Variants in SPG21 observed in about 807,000 individuals in gnomAD.
The protein encoded by SPG21 is SPG21 abhydrolase domain containing, maspardin, also known as maspardin.
SPG21 carries 26 observed loss-of-function variants against 38.9 expected under a neutral mutation model. That is an observed-to-expected ratio of 0.67 (90% CI 0.49 to 0.93). The LOEUF is 0.93. SPG21 is among the 40% of genes least tolerant of loss of function. The pLI, the probability that SPG21 is intolerant of heterozygous loss-of-function variation, is 0.00. For missense variants in SPG21, 333 were observed against 376.5 expected, an observed-to-expected ratio of 0.88 and a Z score of 0.96; for synonymous variants, 136 against 128.9, an observed-to-expected ratio of 1.05 and a Z score of -0.37.
intron 1 of SPG21, chr15:64,987,497 A>G (rs896647247): frequency 5.3e-5 from 8 of 152,270 alleles, no homozygotes; most frequent in Admixed American, 3.3e-4. Context: ...TATTCTGTAT[A>G]TGGCAAAGGT....
chr15:64,969,629 G>A (rs1411926741), intron 6 of SPG21, among the ~76,000 whole-genome samples: 1 of 151,810 alleles, frequency 6.6e-6, no homozygotes, highest in Non-Finnish European at 1.5e-5. Context: ...ACTCCAGCCA[G>A]GTGCCCATGG....
rs183324628 is a variant in SPG21 at position 64,976,411 on chromosome 15, T to A, written c.306+64A>T. The A allele has an allele frequency of 1.3e-4, 154 of 1,199,618 alleles. 1 individual carries two copies. Among genetic ancestry groups the A allele is most frequent in the Non-Finnish European group, 1.7e-4 (138 of 811,050 alleles). The allele number at this position is 1,199,618 out of a possible 1,614,324, so 74.3% of individuals were successfully genotyped here. A position where few individuals can be genotyped will look rare whatever the true frequency, so the allele number is the denominator to read the frequency against. Reference sequence around the variant, plus strand: ...CTGCACTCCAGCCTGGGTGACAGAGTGAGACTTCATCTCAAAAAATAAAAA... The same window carrying A: ...CTGCACTCCAGCCTGGGTGACAGAGAGAGACTTCATCTCAAAAAATAAAAA... On this transcript the variant is annotated intron_variant, in intron 4 of 8. Coordinates refer to ENST00000204566, the MANE Select transcript of SPG21 (RefSeq NM_016630.7).
intron 5 of SPG21, among the ~76,000 whole-genome samples, chr15:64,973,928 T>A (rs916710556): frequency 2.6e-5 from 4 of 152,204 alleles, no homozygotes; most frequent in African/African-American, 9.7e-5. Flanking sequence ...TAGAATGTGA[T>A]GAAGAATTGG....
intron 1 of SPG21, among the ~76,000 whole-genome samples, chr15:64,985,628 C>G (rs1383767688): frequency 6.6e-6 from 1 of 152,188 alleles, no homozygotes; most frequent in Non-Finnish European, 1.5e-5. Flanking sequence ...TTGATCCTAG[C>G]ACGGCTAACA....
At chr15:64,970,731 T>A (rs1191632395) in intron 5 of SPG21, among the ~76,000 whole-genome samples, 1 of 152,200 alleles carries the variant, frequency 6.6e-6, no homozygotes, top group East Asian at 1.9e-4. Flanking sequence ...ATTTATTTTT[T>A]AAATTTATTA....
At chr15:64,976,695 AG>A (rs2085782264) in intron 3 of SPG21, 140 bp from the exon 4 acceptor site, 1 of 658,370 alleles carries the variant, frequency 1.5e-6, no homozygotes, top group Non-Finnish European at 2.7e-6. Context: ...TGTAAAAATA[AG>A]CTCTCACTTT....
rs979560057 is a variant in SPG21, at chr15:64,965,397, C to T, written c.733G>A (p.Ala245Thr). 1.2e-6 allele frequency: 2 copies of T among 1,614,072 alleles called. No homozygotes were observed. Among genetic ancestry groups the T allele is most frequent in the African/African-American group, 2.7e-5 (2 of 74,924 alleles). ...CCTGTTTTCAGATGAGCTCTTCGGG[C>T]ATTAGGATACAGCTTGTACATTTCT... ...KEEMYKLYPN[A>T]RRAHLKTGGN... Residue 245 changes from alanine to threonine, a missense_variant, in exon 8 of 9, where the codon GCC (alanine) becomes ACC (threonine). Coordinates refer to ENST00000204566, the MANE Select transcript of SPG21 (RefSeq NM_016630.7).
chr15:64,988,098 T>C (rs969005645), intron 1 of SPG21, among the ~76,000 whole-genome samples: 1 of 152,074 alleles, frequency 6.6e-6, no homozygotes, highest in Non-Finnish European at 1.5e-5. Flanking sequence ...GATGGGCTCC[T>C]GTAATCCCAG....
intron 3 of SPG21, among the ~76,000 whole-genome samples, chr15:64,977,371 T>C (rs1422182944): frequency 6.6e-6 from 1 of 152,102 alleles, no homozygotes; most frequent in African/African-American, 2.4e-5. Flanking sequence ...AGCTTGTTTG[T>C]TTTTGTGATA....
intron 3 of SPG21, 127 bp downstream of exon 3, chr15:64,980,737 C>A (rs2085866992): frequency 1.2e-6 from 1 of 862,562 alleles, no homozygotes; most frequent in Non-Finnish European, 1.8e-6. Context: ...GAATCCATCT[C>A]AACAAACAAA....
chr15:64,979,294 G>A (rs1354274873), intron 3 of SPG21, among the ~76,000 whole-genome samples: 3 of 152,156 alleles, frequency 2.0e-5, no homozygotes, highest in Non-Finnish European at 4.4e-5. Flanking sequence ...GCGCCTATGG[G>A]TTGCTCGGTT....
At chr15:64,966,372 T>C (rs1207494458) in intron 7 of SPG21, among the ~76,000 whole-genome samples, 3 of 152,168 alleles carry the variant, frequency 2.0e-5, no homozygotes, top group African/African-American at 4.8e-5. Context: ...CAAATCTGTA[T>C]GTTTAAGTGC....
In SPG21 at chr15:64,984,252, T is replaced by C. The variant is rs117475201; in HGVS notation, c.-24-659A>G. ...TTCCTGTCTTAGTTCTCAACTGCAG[T>C]ACCATCAGTTATCTTTTGACATTAC... On this transcript the variant is annotated intron_variant, in intron 1 of 8. Coordinates refer to ENST00000204566, the MANE Select transcript of SPG21 (RefSeq NM_016630.7). Among the ~76,000 whole-genome samples, 22 of 152,362 alleles carry C rather than the reference T, an allele frequency of 1.4e-4. No homozygotes were observed. In the East Asian group the frequency reaches 3.9e-3, roughly 27 times the overall value.
rs148774404 is a variant in SPG21, at chr15:64,970,896, C to T, written c.453-674G>A. ...CTGCGACTACAGGCACATGCCACCACGCCCGGCTAACTTCTGTATTTTTAG... is the reference window on the plus strand; with the variant it reads ...CTGCGACTACAGGCACATGCCACCATGCCCGGCTAACTTCTGTATTTTTAG... On this transcript the variant is annotated intron_variant, in intron 5 of 8. Transcript: ENST00000204566. Among the ~76,000 whole-genome samples, 78 of 152,170 alleles carry T rather than the reference C, an allele frequency of 5.1e-4. 1 individual carries two copies. Among genetic ancestry groups the T allele is most frequent in the Non-Finnish European group, 8.5e-4 (58 of 68,010 alleles).
intron 5 of SPG21, among the ~76,000 whole-genome samples, chr15:64,971,066 A>C (rs1452018056): frequency 6.6e-6 from 1 of 152,064 alleles, no homozygotes; most frequent in Non-Finnish European, 1.5e-5. Context: ...AAAAATTTAA[A>C]AAAAAACTTT....
chr15:64,976,163 G>A (rs1473454434), intron 4 of SPG21, among the ~76,000 whole-genome samples: 1 of 152,174 alleles, frequency 6.6e-6, no homozygotes, highest in Non-Finnish European at 1.5e-5. Context: ...GGTGGCTCAC[G>A]CCTGTAATCC....
At chr15:64,975,654 T>C (rs761322041) in intron 4 of SPG21, among the ~76,000 whole-genome samples, 3 of 152,138 alleles carry the variant, frequency 2.0e-5, no homozygotes, top group Non-Finnish European at 4.4e-5. Flanking sequence ...CACAAAAACT[T>C]GTACATGAAT....
intron 1 of SPG21, among the ~76,000 whole-genome samples, chr15:64,988,084 C>T (rs768776110): frequency 1.3e-5 from 2 of 151,610 alleles, no homozygotes; most frequent in Non-Finnish European, 2.9e-5. Context: ...TAGCTGGGCG[C>T]GGTGATGGGC....
At chr15:64,968,381 C>T (rs2085589422) in intron 7 of SPG21, among the ~76,000 whole-genome samples, 1 of 147,090 alleles carries the variant, frequency 6.8e-6, no homozygotes, top group Admixed American at 6.9e-5. Flanking sequence ...CATTCTGACA[C>T]ATGTATAACA....
Sources: gnomAD v4.1 joint callset for allele counts (sites outside exome capture counted in the v4.1 genomes callset) on GRCh38, gnomAD v4.1.1 for gene constraint, MANE v1.5 for transcripts, NCBI Gene and HGNC (gene_info 2026-07-23, HGNC 2026-07-21) for gene names.